The following VKORC1L1 variants were observed in gnomAD, a reference collection of about 807,000 sequenced individuals.
VKORC1L1 encodes the protein vitamin K epoxide reductase complex subunit 1-like protein 1.
In VKORC1L1, 2 loss-of-function variants were observed where a neutral mutation model predicts 18.9. The observed-to-expected ratio is 0.11, with a 90% CI of 0.04 to 0.33. The LOEUF (loss-of-function observed/expected upper bound fraction) is 0.33. Ranked by LOEUF, VKORC1L1 falls within the 10% of genes least tolerant of loss-of-function variation. The probability of loss-of-function intolerance (pLI) is 1.00; values close to 1 mark genes in which losing one functional copy is unlikely to be tolerated. For synonymous variants in VKORC1L1, 96 were observed against 100.0 expected (o/e 0.96, Z 0.24); for missense variants, 123 against 224.1 (o/e 0.55, Z 2.88).
Position 65,954,366 on chromosome 7 carries a change from TTTATTA to T in VKORC1L1, c.*87_*92del, listed in dbSNP as rs35431841. On this transcript the variant is annotated 3_prime_UTR_variant, in exon 3 of 3. Coordinates refer to ENST00000360768, the MANE Select transcript of VKORC1L1 (RefSeq NM_173517.6). ...CATTCAGTTTATTTTGCAGCAGGTT[TTTATTA>T]TTATTATTATTATTATTATTCACAA... is the stretch of plus-strand genomic sequence containing the variant. 77 of 1,476,968 alleles carry T rather than the reference TTTATTA, an allele frequency of 5.2e-5. No homozygotes were observed. Among genetic ancestry groups the T allele is most frequent in the East Asian group, 4.1e-4 (16 of 38,574 alleles). 91.5% of individuals were successfully genotyped at this position (1,476,968 alleles called of 1,614,324 possible). A position where few individuals can be genotyped will look rare whatever the true frequency, so the allele number is the denominator to read the frequency against.
chr7:65,906,805 G>A (rs1316653307), intron 1 of VKORC1L1, among the ~76,000 whole-genome samples: 1 of 152,156 alleles, frequency 6.6e-6, no homozygotes, highest in Non-Finnish European at 1.5e-5. Flanking sequence ...GCCAGCATGG[G>A]TTTTATGCAG....
intron 1 of VKORC1L1, among the ~76,000 whole-genome samples, chr7:65,913,955 G>A (rs1789544920): frequency 6.6e-6 from 1 of 151,926 alleles, no homozygotes; most frequent in Admixed American, 6.6e-5. Context: ...AAAACACAGA[G>A]CTGGAATGAC....
At chr7:65,926,868 A>G (rs867742941) in intron 1 of VKORC1L1, among the ~76,000 whole-genome samples, 1 of 152,170 alleles carries the variant, frequency 6.6e-6, no homozygotes, top group Admixed American at 6.5e-5. Flanking sequence ...AACCAAAAAC[A>G]ATATGTTCTC....
rs1268022635 is a variant in VKORC1L1 at position 65,939,547 on chromosome 7, T to C, written c.195-9124T>C. 3.3e-5 allele frequency among the ~76,000 whole-genome samples: 5 copies of C among 152,146 alleles called. No homozygotes were observed. In the East Asian group the frequency reaches 7.7e-4, roughly 23 times the overall value. On this transcript the variant is annotated intron_variant, in intron 1 of 2. Transcript: ENST00000360768. ...TTTGGACCTATAAAGAGAAAAAACTTTGGAGGCAGAAGCTCTGGCCCCTAT... is the reference window on the plus strand; with the variant it reads ...TTTGGACCTATAAAGAGAAAAAACTCTGGAGGCAGAAGCTCTGGCCCCTAT...
intron 1 of VKORC1L1, among the ~76,000 whole-genome samples, chr7:65,932,986 G>C (rs577581016): frequency 1.1e-3 from 172 of 150,354 alleles, no homozygotes; most frequent in Admixed American, 2.4e-3. Flanking sequence ...GCTGAGGCAG[G>C]AGAATTGCTT....
chr7:65,900,289 C>CTG (rs573524864), intron 1 of VKORC1L1, among the ~76,000 whole-genome samples: 2 of 151,406 alleles, frequency 1.3e-5, no homozygotes, highest in Non-Finnish European at 2.9e-5. Context: ...ACTCGGGAGG[C>CTG]TGAGGCAGGA....
intron 1 of VKORC1L1, among the ~76,000 whole-genome samples, chr7:65,917,110 C>G (rs576114518): frequency 6.6e-6 from 1 of 152,106 alleles, no homozygotes; most frequent in Non-Finnish European, 1.5e-5. Flanking sequence ...GTGAGACTTT[C>G]TCCCGTGCAC....
intron 1 of VKORC1L1, 46 bp from the exon 2 acceptor site, chr7:65,948,625 A>G (rs2115736245): frequency 3.0e-6 from 2 of 677,046 alleles, no homozygotes; most frequent in East Asian, 5.9e-5. Flanking sequence ...ATTTTTTAAA[A>G]TAGGGAAATT....
intron 1 of VKORC1L1, among the ~76,000 whole-genome samples, chr7:65,911,466 A>G (rs1213551920): frequency 6.6e-6 from 1 of 152,168 alleles, no homozygotes; most frequent in East Asian, 1.9e-4. Context: ...GTCATGCCAT[A>G]TACACCTCCC....
chr7:65,945,824 T>C (rs1224797525), intron 1 of VKORC1L1, among the ~76,000 whole-genome samples: 4 of 152,248 alleles, frequency 2.6e-5, no homozygotes, highest in African/African-American at 9.6e-5. Flanking sequence ...TGATCTTACA[T>C]GAATAATCAG....
At chr7:65,910,702 G>A (rs1050320961) in intron 1 of VKORC1L1, among the ~76,000 whole-genome samples, 2 of 151,418 alleles carry the variant, frequency 1.3e-5, no homozygotes, top group African/African-American at 4.9e-5. Context: ...TTGGTCTTCT[G>A]TATCATTAGT....
chr7:65,930,385 C>T (rs1362856967), intron 1 of VKORC1L1, among the ~76,000 whole-genome samples: 2 of 152,200 alleles, frequency 1.3e-5, no homozygotes, highest in Non-Finnish European at 2.9e-5. Context: ...GAGCTGGAAG[C>T]AAGGCTCGCT....
In VKORC1L1 at chr7:65,878,953, G is replaced by A. The variant is rs1788877334; in HGVS notation, c.194+5388G>A. On this transcript the variant is annotated intron_variant, in intron 1 of 2. Coordinates refer to ENST00000360768, the MANE Select transcript of VKORC1L1 (RefSeq NM_173517.6). The stretch of plus-strand genomic sequence containing the variant: ...TTCTTGTCTAGGTAAGGCATTCGCT[G>A]CTTCGGATTTGAAAGATAACAAAGC... 3.3e-5 allele frequency among the ~76,000 whole-genome samples: 5 copies of A among 152,118 alleles called. No homozygotes were observed. The South Asian group carries it at 1.0e-3, about 31-fold the overall frequency.
chr7:65,899,062 G>A (rs1789265468), intron 1 of VKORC1L1, among the ~76,000 whole-genome samples: 1 of 152,202 alleles, frequency 6.6e-6, no homozygotes, highest in Admixed American at 6.5e-5. Context: ...ATTCAGAGCT[G>A]ATTAATTACA....
intron 1 of VKORC1L1, among the ~76,000 whole-genome samples, chr7:65,921,390 T>G (rs1789673174): frequency 6.6e-6 from 1 of 152,182 alleles, no homozygotes; most frequent in Non-Finnish European, 1.5e-5. Context: ...TCATATACAT[T>G]AATTTACCTT....
intron 1 of VKORC1L1, among the ~76,000 whole-genome samples, chr7:65,877,706 G>A (rs1788852749): frequency 6.6e-6 from 1 of 152,078 alleles, no homozygotes; most frequent in African/African-American, 2.4e-5. Flanking sequence ...CTCTAAGAAG[G>A]GTTTCTATGT....
chr7:65,923,141 C>T lies in VKORC1L1; in HGVS notation c.195-25530C>T, dbSNP rs1789705468. The stretch of plus-strand genomic sequence containing the variant: ...ACATCTCTTAAAAAGATGATAGGAG[C>T]AGGGTGCAATGGCACTTTGGGAGGC... On this transcript the variant is annotated intron_variant, in intron 1 of 2. Coordinates refer to ENST00000360768, the MANE Select transcript of VKORC1L1 (RefSeq NM_173517.6). 2.6e-5 allele frequency among the ~76,000 whole-genome samples: 4 copies of T among 152,246 alleles called. 1 individual carries two copies. The South Asian group carries it at 8.3e-4, about 32-fold the overall frequency.
At chr7:65,908,454 G>A (rs1789443641) in intron 1 of VKORC1L1, among the ~76,000 whole-genome samples, 1 of 151,968 alleles carries the variant, frequency 6.6e-6, no homozygotes, top group African/African-American at 2.4e-5. Context: ...TATTTATCTG[G>A]ATTTAATCTG....
intron 1 of VKORC1L1, among the ~76,000 whole-genome samples, chr7:65,898,954 A>G (rs553352417): frequency 2.0e-3 from 312 of 152,276 alleles, no homozygotes; most frequent in Non-Finnish European, 3.4e-3. Flanking sequence ...CACTTAGCAC[A>G]ATGTTCTCAA....
Sources: gnomAD v4.1 joint callset for allele counts (sites outside exome capture counted in the v4.1 genomes callset) on GRCh38, gnomAD v4.1.1 for gene constraint, MANE v1.5 for transcripts, NCBI Gene and HGNC (gene_info 2026-07-23, HGNC 2026-07-21) for gene names.